FANCM: variants seen among roughly 807,000 people sequenced by gnomAD.
FANCM encodes the protein FA complementation group M, also known as Fanconi anemia group M protein.
FANCM carries 140 observed loss-of-function variants against 199.5 expected under a neutral mutation model. The ratio of observed to expected loss-of-function variants is 0.70; its 90% confidence interval spans 0.61 to 0.81. The LOEUF (loss-of-function observed/expected upper bound fraction) is 0.81. FANCM is among the 30% of genes least tolerant of loss of function. FANCM has a pLI of 0.00. For missense variants in FANCM, 2,410 were observed against 2,421.4 expected, an observed-to-expected ratio of 1.00 and a Z score of 0.10; for synonymous variants, 840 against 836.8, an observed-to-expected ratio of 1.00 and a Z score of -0.07.
At position 45,181,331 on chromosome 14, in the gene FANCM, G is replaced by C. The variant is rs188318422; in HGVS notation, c.4223-99G>C. 3,082 of 683,906 alleles carry C rather than the reference G, an allele frequency of 4.5e-3. 17 individuals carry two copies. The highest frequency in any genetic ancestry group is 5.8e-3 in the Non-Finnish European group (2,253 of 390,870). 42.4% of individuals were successfully genotyped at this position (683,906 alleles called of 1,614,324 possible). A position where few individuals can be genotyped will look rare whatever the true frequency, so the allele number is the denominator to read the frequency against. On this transcript the variant is annotated intron_variant, in intron 14 of 22. Coordinates refer to ENST00000267430, the MANE Select transcript of FANCM (RefSeq NM_020937.4). ...GAAAGTGAATAAATGTTGAGATTGCGTGAAATAATTCTTAATGTAGCCATC... is the reference window on the plus strand; with the variant it reads ...GAAAGTGAATAAATGTTGAGATTGCCTGAAATAATTCTTAATGTAGCCATC...
At position 45,198,844 on chromosome 14, in the gene FANCM, C is replaced by T. The variant is rs1890214915; in HGVS notation, c.5917C>T (p.Leu1973Phe). ...TVVNSNKSEALQFYLSIPNIS... is the reference protein window; with the variant it reads ...TVVNSNKSEAFQFYLSIPNIS... ...GGTGAATAGTAATAAAAGTGAGGCA[C>T]TCCAGTTTTATTTAAGTATTCCCAA... is the stretch of plus-strand genomic sequence containing the variant. The change falls in exon 22 of 23, where the codon CTC (leucine) becomes TTC (phenylalanine). Residue 1973 changes from leucine (L) to phenylalanine (F), a missense_variant. Transcript: ENST00000267430. 1.2e-6 allele frequency: 2 copies of T among 1,612,414 alleles called. No homozygotes were observed. Among genetic ancestry groups the T allele is most frequent in the Admixed American group, 1.7e-5 (1 of 59,992 alleles).
rs754516367 is a variant in FANCM at position 45,164,513 on chromosome 14, G to A, written c.1736G>A (p.Arg579His). The change falls in exon 10 of 23, where the codon CGT (arginine) becomes CAT (histidine). Residue 579 changes from arginine to histidine, a missense_variant. By Grantham distance (29) the Arg-to-His change is conservative. Coordinates refer to ENST00000267430, the MANE Select transcript of FANCM (RefSeq NM_020937.4). ...RLVQRMGRTG[R>H]KRQGRIVIIL... ...GTACAACGAATGGGTAGAACTGGCC[G>A]TAAACGTCAAGGCAGGATAGTTATT... 7 of 1,613,580 alleles carry A rather than the reference G, an allele frequency of 4.3e-6. No individual in the cohort carries two copies. Among genetic ancestry groups the A allele is most frequent in the South Asian group, 3.3e-5 (3 of 91,048 alleles).
chr14:45,151,554 TG>T, intron 5 of FANCM, 26 bp downstream of exon 5: 1 of 1,598,692 alleles, frequency 6.3e-7, no homozygotes, highest in Non-Finnish European at 8.6e-7. Context: ...TAAATTTTGA[TG>T]ACAGATTAAA....
At chr14:45,168,861 T>C (rs1888154027) in intron 11 of FANCM, among the ~76,000 whole-genome samples, 1 of 149,006 alleles carries the variant, frequency 6.7e-6, no homozygotes, top group Non-Finnish European at 1.5e-5. Context: ...GTATTTGTAG[T>C]ATATATTATA....
chr14:45,193,773 T>A (rs901319317), intron 20 of FANCM, among the ~76,000 whole-genome samples: 1 of 152,026 alleles, frequency 6.6e-6, no homozygotes, highest in Non-Finnish European at 1.5e-5. Context: ...TTTTTTTTTT[T>A]AACATTGTTT....
At position 45,183,842 on chromosome 14, in the gene FANCM, G is replaced by A. The variant is rs554011196; in HGVS notation, c.4455G>A (p.Lys1485=). 1 of 1,610,342 alleles carries A rather than the reference G, an allele frequency of 6.2e-7. No individual in the cohort carries two copies. The change falls in exon 17 of 23, where the codon AAG becomes AAA. Residue 1485 remains lysine (K), a synonymous_variant. Transcript: ENST00000267430. ...PKPCSQLEDF[K]VCNGNARRGI... ...CATGTTCACAATTAGAAGACTTCAA[G>A]GTTTGTAACGGGAATGCCAGAAGAG...
Position 45,172,791 on chromosome 14 carries a change from T to C in FANCM, c.2161-264T>C, listed in dbSNP as rs1018748140. Reference sequence around the variant, plus strand: ...AAAGATTTCTTTTAAAATATTTAACTGTTTGCTCTTAACATGGAACTATAT... The same window carrying C: ...AAAGATTTCTTTTAAAATATTTAACCGTTTGCTCTTAACATGGAACTATAT... On this transcript the variant is annotated intron_variant, in intron 12 of 22. Transcript: ENST00000267430. 2.7e-4 allele frequency among the ~76,000 whole-genome samples: 41 copies of C among 152,202 alleles called. 1 individual carries two copies. Among genetic ancestry groups the C allele is most frequent in the Admixed American group, 2.4e-3 (36 of 15,274 alleles).
intron 13 of FANCM, among the ~76,000 whole-genome samples, chr14:45,173,673 C>G (rs1888485770): frequency 6.6e-6 from 1 of 152,116 alleles, no homozygotes; most frequent in Non-Finnish European, 1.5e-5. Context: ...CTAACTCTGC[C>G]TCCTACTGAT....
At chr14:45,184,776 CTT>C (rs764598561) in intron 17 of FANCM, among the ~76,000 whole-genome samples, 12 of 132,252 alleles carry the variant, frequency 9.1e-5, no homozygotes, top group Admixed American at 2.3e-4. Flanking sequence ...TTGGGATTTT[CTT>C]TTTTTTTTTT....
Position 45,151,539 on chromosome 14 carries a change from T to C in FANCM, c.1050+11T>C, listed in dbSNP as rs761838665. ...TCTCCGAATATTGTGGTAGGTATTT[T>C]TAAATAAATTTTGATGACAGATTAA... On this transcript the variant is annotated intron_variant, in intron 5 of 22. Coordinates refer to ENST00000267430, the MANE Select transcript of FANCM (RefSeq NM_020937.4). The C allele has an allele frequency of 3.1e-6, 5 of 1,608,474 alleles. No individual in the cohort carries two copies. The South Asian group carries it at 5.5e-5, about 18-fold the overall frequency.
At position 45,195,128 on chromosome 14, in the gene FANCM, G is replaced by A. The variant is rs114885151; in HGVS notation, c.5341-1044G>A. On this transcript the variant is annotated intron_variant, in intron 20 of 22. Transcript: ENST00000267430. Reference sequence around the variant, plus strand: ...TAACAGAGAATATTGTAAACCTAGTGAGAGATGGCTTGTCATAGTTTCAAA... The same window carrying A: ...TAACAGAGAATATTGTAAACCTAGTAAGAGATGGCTTGTCATAGTTTCAAA... Among the ~76,000 whole-genome samples, 985 of 152,318 alleles carry A rather than the reference G, an allele frequency of 6.5e-3. 8 individuals carry two copies. The highest frequency in any genetic ancestry group is 0.023 in the African/African-American group (938 of 41,554).
At chr14:45,156,181 G>A (rs1453086847) in intron 8 of FANCM, among the ~76,000 whole-genome samples, 3 of 152,060 alleles carry the variant, frequency 2.0e-5, no homozygotes, top group Admixed American at 6.6e-5. Flanking sequence ...TTGGAGGCTG[G>A]GGGAGAGATA....
Position 45,136,119 on chromosome 14 carries a change from G to C in FANCM, c.88G>C (p.Glu30Gln), listed in dbSNP as rs373268822. 7.4e-6 allele frequency: 12 copies of C among 1,614,052 alleles called. No homozygotes were observed. Among genetic ancestry groups the C allele is most frequent in the Admixed American group, 1.7e-5 (1 of 60,010 alleles). ...SGTPGCSSGTERPQSPGSSKA... is the reference protein window; with the variant it reads ...SGTPGCSSGTQRPQSPGSSKA... ...GACTCCGGGTTGCAGCTCCGGAACT[G>C]AGCGACCTCAGAGCCCTGGCAGCTC... The change falls in exon 1 of 23, where the codon GAG (glutamate) becomes CAG (glutamine). Residue 30 changes from glutamate to glutamine, a missense_variant. Coordinates refer to ENST00000267430, the MANE Select transcript of FANCM (RefSeq NM_020937.4).
intron 3 of FANCM, among the ~76,000 whole-genome samples, chr14:45,146,252 A>AAG (rs1400598039): frequency 6.6e-6 from 1 of 150,886 alleles, no homozygotes; most frequent in Non-Finnish European, 1.5e-5. Flanking sequence ...AAAAAAAAAA[A>AAG]AAAAAAAGGA....
chr14:45,175,537 A>T lies in FANCM; in HGVS notation c.2783A>T (p.Gln928Leu), dbSNP rs1888619861. 1.2e-6 allele frequency: 2 copies of T among 1,612,796 alleles called. No homozygotes were observed. The highest frequency in any genetic ancestry group is 1.7e-6 in the Non-Finnish European group (2 of 1,179,078). Reference sequence around the variant, plus strand: ...CCGTGTGTGTTATTAACAGAGTGTCAGTTTACAAATAAATCCACTAGTTCA... The same window carrying T: ...CCGTGTGTGTTATTAACAGAGTGTCTGTTTACAAATAAATCCACTAGTTCA... ...KEPCVLLTEC[Q>L]FTNKSTSSLA... is the part of the protein sequence containing the mutation. Residue 928 changes from glutamine (Q) to leucine (L), a missense_variant, in exon 14 of 23, where the codon CAG becomes CTG. By Grantham distance (113) the Gln-to-Leu change is moderately radical. Transcript: ENST00000267430.
chr14:45,195,097 C>T (rs1159422885), intron 20 of FANCM, among the ~76,000 whole-genome samples: 1 of 152,224 alleles, frequency 6.6e-6, no homozygotes, highest in Non-Finnish European at 1.5e-5. Context: ...TTCTCCAGAA[C>T]CTCATTAACA....
At position 45,151,400 on chromosome 14, in the gene FANCM, T is replaced by A; in HGVS notation, c.922T>A (p.Leu308Met). 6.2e-7 allele frequency: 1 copy of A among 1,613,744 alleles called. No homozygotes were observed. The highest frequency in any genetic ancestry group is 8.5e-7 in the Non-Finnish European group (1 of 1,179,820). Residue 308 changes from leucine (L) to methionine (M), a missense_variant, in exon 5 of 23, where the codon TTG (leucine) becomes ATG (methionine). Transcript: ENST00000267430. Reference protein sequence around the residue: ...AAIQKTYIQILESFARSLIQR... With the variant: ...AAIQKTYIQIMESFARSLIQR... ...TAGATTGCTTTTAAATTTGCAGATT[T>A]TGGAATCATTTGCTCGTTCTTTGAT...
chr14:45,196,244 A>G lies in FANCM; in HGVS notation c.5413A>G (p.Thr1805Ala), dbSNP rs1195945183. Residue 1805 changes from threonine to alanine, a missense_variant, in exon 21 of 23, where the codon ACA becomes GCA. Thr to Ala is a moderately conservative substitution (Grantham distance 58). Coordinates refer to ENST00000267430, the MANE Select transcript of FANCM (RefSeq NM_020937.4). ...CAAGTCAAGACCACATTTAGCTGGG[A>G]CACATACTTCTCTTAGACTTCCGCA... is the stretch of plus-strand genomic sequence containing the variant. ...CSKSRPHLAG[T>A]HTSLRLPQEG... is the part of the protein sequence containing the mutation. The G allele has an allele frequency of 1.3e-5, 21 of 1,614,048 alleles. No homozygotes were observed. Among genetic ancestry groups the G allele is most frequent in the Non-Finnish European group, 1.4e-5 (16 of 1,179,910 alleles).
At chr14:45,198,577 AG>A in intron 21 of FANCM, 66 bp from the exon 22 acceptor site, 1 of 1,026,486 alleles carries the variant, frequency 9.7e-7, no homozygotes, top group Non-Finnish European at 1.4e-6. Flanking sequence ...AATAAAATAA[AG>A]TATATTAATA....
Sources: allele counts gnomAD v4.1 joint callset (sites outside exome capture counted in the v4.1 genomes callset), GRCh38; gene constraint gnomAD v4.1.1; transcripts MANE v1.5; gene names NCBI Gene and HGNC (gene_info 2026-07-23, HGNC 2026-07-21).